DAB1: variants seen among roughly 807,000 people sequenced by gnomAD.
DAB1 encodes the protein DAB adaptor protein 1, also known as disabled homolog 1.
DAB1 carries 15 observed loss-of-function variants against 64.6 expected under a neutral mutation model. The observed-to-expected ratio is 0.23, with a 90% CI of 0.16 to 0.36. DAB1 has a LOEUF of 0.36. Ranked by LOEUF, DAB1 falls within the 10% of genes least tolerant of loss-of-function variation. DAB1 has a pLI of 1.00. For missense variants in DAB1, 596 were observed against 706.7 expected, an observed-to-expected ratio of 0.84 and a Z score of 1.78; for synonymous variants, 235 against 251.9, an observed-to-expected ratio of 0.93 and a Z score of 0.64.
At chr1:58,500,091 TA>T (rs1645881681) in intron 3 of DAB1, among the ~76,000 whole-genome samples, 1 of 152,188 alleles carries the variant, frequency 6.6e-6, no homozygotes. Flanking sequence ...CATGTTTTTC[TA>T]AAATATCATT....
chr1:58,309,759 A>C (rs776142917), intron 4 of DAB1, among the ~76,000 whole-genome samples: 2 of 152,062 alleles, frequency 1.3e-5, no homozygotes, highest in Non-Finnish European at 2.9e-5. Context: ...AGTACTAATG[A>C]CTGTATTAAT....
In DAB1 at chr1:57,301,963, C is replaced by G. The variant is rs141903924; in HGVS notation, c.-136-10797G>C. ...AGACAGGTGGCAGGCTTCCTCTCAT[C>G]ACTGATAACCTATTTTTCTTCTCGC... is the stretch of plus-strand genomic sequence containing the variant. On this transcript the variant is annotated intron_variant, in intron 1 of 14. Transcript: ENST00000371236. Among the ~76,000 whole-genome samples, 536 of 152,306 alleles carry G rather than the reference C, an allele frequency of 3.5e-3. 2 individuals carry two copies. Among genetic ancestry groups the G allele is most frequent in the African/African-American group, 0.012 (514 of 41,568 alleles).
chr1:57,818,029 T>A (rs1651946942), intron 6 of DAB1, among the ~76,000 whole-genome samples: 1 of 152,168 alleles, frequency 6.6e-6, no homozygotes, highest in African/African-American at 2.4e-5. Context: ...ACTCACCTCC[T>A]GAACTCCCTG....
intron 4 of DAB1, among the ~76,000 whole-genome samples, chr1:58,192,793 T>C (rs1657459569): frequency 6.6e-6 from 1 of 152,206 alleles, no homozygotes. Context: ...CTCTTTGATA[T>C]AATGATTTCC....
chr1:57,997,262 C>A (rs977834276), intron 5 of DAB1, among the ~76,000 whole-genome samples: 1 of 152,178 alleles, frequency 6.6e-6, no homozygotes, highest in African/African-American at 2.4e-5. Flanking sequence ...AGCACATGTA[C>A]AATTTAAGTA....
At chr1:57,083,929 G>A (rs1353901688) in intron 4 of DAB1, among the ~76,000 whole-genome samples, 1 of 152,198 alleles carries the variant, frequency 6.6e-6, no homozygotes, top group Non-Finnish European at 1.5e-5. Context: ...TTCAATTGAA[G>A]TACGAATTAA....
intron 1 of DAB1, among the ~76,000 whole-genome samples, 179 bp downstream of exon 1, chr1:57,423,751 A>G (rs1685114081): frequency 6.6e-6 from 1 of 152,002 alleles, no homozygotes; most frequent in Non-Finnish European, 1.5e-5. Context: ...AAGGCGAAAA[A>G]CTGCTGCAGT....
chr1:58,385,465 T>C (rs1328885541), intron 3 of DAB1, among the ~76,000 whole-genome samples: 1 of 152,172 alleles, frequency 6.6e-6, no homozygotes, highest in African/African-American at 2.4e-5. Context: ...TTTTCTTCCT[T>C]TTCCTTCTTC....
intron 6 of DAB1, among the ~76,000 whole-genome samples, chr1:57,659,293 T>C (rs1181525261): frequency 6.6e-6 from 1 of 152,220 alleles, no homozygotes; most frequent in East Asian, 1.9e-4. Context: ...TTATTTCATT[T>C]GAGAGATCAA....
intron 5 of DAB1, among the ~76,000 whole-genome samples, chr1:58,123,274 A>C (rs1461823996): frequency 6.6e-6 from 1 of 152,134 alleles, no homozygotes; most frequent in African/African-American, 2.4e-5. Context: ...AGGATGTGTC[A>C]AAACATTGAG....
chr1:57,894,114 G>A (rs572788526), intron 5 of DAB1, among the ~76,000 whole-genome samples: 1 of 152,268 alleles, frequency 6.6e-6, no homozygotes, highest in Admixed American at 6.5e-5. Context: ...CCGGAAGTAT[G>A]CCAACGTATA....
intron 1 of DAB1, among the ~76,000 whole-genome samples, chr1:57,830,660 C>A (rs1169691166): frequency 6.6e-6 from 1 of 152,160 alleles, no homozygotes; most frequent in African/African-American, 2.4e-5. Flanking sequence ...TTTGGAAAGC[C>A]TGCCTACAAG....
intron 3 of DAB1, among the ~76,000 whole-genome samples, chr1:58,489,583 A>T (rs1347867576): frequency 6.6e-6 from 1 of 152,224 alleles, no homozygotes; most frequent in Non-Finnish European, 1.5e-5. Context: ...CTGACAGCTT[A>T]GAAGAGAGTA....
chr1:57,769,680 T>G (rs1649471885), intron 6 of DAB1, among the ~76,000 whole-genome samples: 1 of 152,198 alleles, frequency 6.6e-6, no homozygotes, highest in Admixed American at 6.5e-5. Flanking sequence ...TGGGACTCTA[T>G]TCTCTGTGAT....
chr1:57,665,245 A>G (rs1455375872), intron 6 of DAB1, among the ~76,000 whole-genome samples: 1 of 152,136 alleles, frequency 6.6e-6, no homozygotes. Flanking sequence ...CTGTGGAAGT[A>G]GTCAAGTTTG....
chr1:57,203,251 C>G (rs1316342563), intron 2 of DAB1, among the ~76,000 whole-genome samples: 1 of 152,170 alleles, frequency 6.6e-6, no homozygotes, highest in African/African-American at 2.4e-5. Flanking sequence ...TAGATAAATT[C>G]ATTAATCCTT....
intron 4 of DAB1, among the ~76,000 whole-genome samples, chr1:57,092,539 C>A (rs79211131): frequency 6.6e-6 from 1 of 152,004 alleles, no homozygotes; most frequent in Non-Finnish European, 1.5e-5. Flanking sequence ...TTCTTCTTAG[C>A]CTTCTACCAC....
intron 4 of DAB1, among the ~76,000 whole-genome samples, chr1:58,312,345 T>C (rs988516689): frequency 6.6e-6 from 1 of 152,218 alleles, no homozygotes; most frequent in African/African-American, 2.4e-5. Context: ...CAATTCGTCA[T>C]GTAAATGTTT....
At chr1:58,515,086 C>A (rs1346347235) in intron 2 of DAB1, among the ~76,000 whole-genome samples, 1 of 152,180 alleles carries the variant, frequency 6.6e-6, no homozygotes, top group African/African-American at 2.4e-5. Flanking sequence ...TCTCACATAC[C>A]TCCACAGGTT....
Sources: gnomAD v4.1 joint callset for allele counts (sites outside exome capture counted in the v4.1 genomes callset) on GRCh38, gnomAD v4.1.1 for gene constraint, MANE v1.5 for transcripts, NCBI Gene and HGNC (gene_info 2026-07-23, HGNC 2026-07-21) for gene names.